The following TRAFD1 variants were observed in gnomAD, a reference collection of about 807,000 sequenced individuals.
TRAFD1 encodes the protein TRAF-type zinc finger domain containing 1, also known as TRAF-type zinc finger domain-containing protein 1.
Under a neutral mutation model 65.3 loss-of-function variants are expected in TRAFD1, and 38 were observed. The observed-to-expected ratio is 0.58, with a 90% CI of 0.45 to 0.76. The LOEUF (loss-of-function observed/expected upper bound fraction) is 0.76, where lower values mean the gene tolerates loss of function less well. Among genes scored for constraint, TRAFD1 ranks in the 30% least tolerant of loss-of-function variants. The probability of loss-of-function intolerance (pLI) is 0.00; values close to 1 mark genes in which losing one functional copy is unlikely to be tolerated. For synonymous variants in TRAFD1, 223 were observed against 257.2 expected (o/e 0.87, Z 1.27); for missense variants, 631 against 712.6 (o/e 0.89, Z 1.30).
chr12:112,141,185 A>T lies in TRAFD1; in HGVS notation c.604A>T (p.Arg202Trp), dbSNP rs1288512452. ...DVFHNRTTNQ[R>W]NITAQVSIQN... The stretch of plus-strand genomic sequence containing the variant: ...TTTCCACAATAGAACTACCAACCAA[A>T]GGAACATTACAGCCCAGGTTTCAAT... The change falls in exon 5 of 12, where the codon AGG (arginine) becomes TGG (tryptophan). Residue 202 changes from arginine (R) to tryptophan (W), a missense_variant. Coordinates refer to ENST00000412615, the MANE Select transcript of TRAFD1 (RefSeq NM_006700.3). The T allele has an allele frequency of 1.2e-6, 2 of 1,614,200 alleles. No individual in the cohort carries two copies. Among genetic ancestry groups the T allele is most frequent in the Admixed American group, 3.3e-5 (2 of 60,018 alleles).
intron 9 of TRAFD1, among the ~76,000 whole-genome samples, chr12:112,151,133 G>T (rs992866822): frequency 6.6e-6 from 1 of 151,718 alleles, no homozygotes; most frequent in Non-Finnish European, 1.5e-5. Context: ...AGCTACTTGG[G>T]AGGCTGAGGC....
At chr12:112,139,506 C>T (rs546611054) in intron 4 of TRAFD1, among the ~76,000 whole-genome samples, 11 of 151,906 alleles carry the variant, frequency 7.2e-5, no homozygotes, top group Non-Finnish European at 1.3e-4. Context: ...TCACTGCAAC[C>T]TCCACCTCCC....
rs1593875386 is a variant in TRAFD1 at position 112,152,719 on chromosome 12, TTG to T, written c.1693-12_1693-11del. 6.2e-7 allele frequency: 1 copy of T among 1,614,194 alleles called. No homozygotes were observed. The highest frequency in any genetic ancestry group is 1.3e-5 in the African/African-American group (1 of 75,042). On this transcript the variant is annotated splice_polypyrimidine_tract_variant and intron_variant, in intron 11 of 11. Transcript: ENST00000412615. This position sits in a 1 kb window ranked among gnomAD's most constrained non-coding sequence, Gnocchi z 5.0. ...CTTTTTATGTAAAGCTTCGTTTGTG[TTG>T]TGTTGTTCACCAGGCAAAGCCTTCC...
chr12:112,145,727 G>A, intron 7 of TRAFD1, 65 bp downstream of exon 7: 1 of 1,400,942 alleles, frequency 7.1e-7, no homozygotes, highest in Non-Finnish European at 1.0e-6. Context: ...GGTGTTGCAG[G>A]CCACATGAGG....
intron 1 of TRAFD1, among the ~76,000 whole-genome samples, chr12:112,128,961 G>T (rs2079553881): frequency 6.7e-6 from 1 of 148,990 alleles, no homozygotes; most frequent in Admixed American, 6.8e-5. Context: ...GTTGCAGTGA[G>T]CCGAGATCGC....
At chr12:112,149,577 C>T (rs555442077) in intron 8 of TRAFD1, 174 bp from the exon 9 acceptor site, 51 of 736,920 alleles carry the variant, frequency 6.9e-5, no homozygotes, top group African/African-American at 8.9e-5. Context: ...CCTCATGTGC[C>T]GATGGGATTG....
chr12:112,139,548 C>A (rs1320637442), intron 4 of TRAFD1, among the ~76,000 whole-genome samples: 1 of 151,612 alleles, frequency 6.6e-6, no homozygotes, highest in African/African-American at 2.4e-5. Flanking sequence ...CTCAGCCTCC[C>A]GAGTAGCTGG....
chr12:112,152,077 A>G lies in TRAFD1; in HGVS notation c.1556A>G (p.Asn519Ser). 3 of 1,614,088 alleles carry G rather than the reference A, an allele frequency of 1.9e-6. No homozygotes were observed. The highest frequency in any genetic ancestry group is 2.5e-6 in the Non-Finnish European group (3 of 1,179,958). ...GTTTCAGTGATTCGCCCTCCTCAAA[A>G]TCTCTACCCAGAAAACATTGTGCCC... Reference protein sequence around the residue: ...GHVSVIRPPQNLYPENIVPSF... With the variant: ...GHVSVIRPPQSLYPENIVPSF... Residue 519 changes from asparagine to serine, a missense_variant, in exon 10 of 12, where the codon AAT becomes AGT. Coordinates refer to ENST00000412615, the MANE Select transcript of TRAFD1 (RefSeq NM_006700.3). This position sits in a 1 kb window ranked among gnomAD's most constrained non-coding sequence, Gnocchi z 5.0.
intron 4 of TRAFD1, 55 bp downstream of exon 4, chr12:112,135,121 A>G (rs2079590953): frequency 2.5e-6 from 4 of 1,600,738 alleles, no homozygotes; most frequent in Non-Finnish European, 3.4e-6. Context: ...TTACAGACCC[A>G]CATGCAGAGC....
chr12:112,147,814 C>G (rs1475537921), intron 7 of TRAFD1, among the ~76,000 whole-genome samples: 1 of 151,852 alleles, frequency 6.6e-6, no homozygotes, highest in Non-Finnish European at 1.5e-5. Flanking sequence ...GGGATTATAG[C>G]CAAGTGCCAC....
chr12:112,148,009 T>G, intron 7 of TRAFD1, 65 bp from the exon 8 acceptor site: 1 of 1,391,988 alleles, frequency 7.2e-7, no homozygotes, highest in Non-Finnish European at 9.9e-7. Flanking sequence ...AGAAAATATT[T>G]TAGGAATGTA....
chr12:112,151,752 T>C, intron 9 of TRAFD1, 49 bp from the exon 10 acceptor site: 1 of 1,548,734 alleles, frequency 6.5e-7, no homozygotes, highest in African/African-American at 1.4e-5. Context: ...CCTGGCACTA[T>C]AGCCAGAGCA....
chr12:112,150,654 G>A (rs1323214479), intron 9 of TRAFD1, among the ~76,000 whole-genome samples: 2 of 151,862 alleles, frequency 1.3e-5, no homozygotes, highest in African/African-American at 4.9e-5. Context: ...GAGCTCAAGT[G>A]ATTCTCCCAC....
chr12:112,139,132 G>A (rs1002257821), intron 4 of TRAFD1, among the ~76,000 whole-genome samples: 2 of 152,072 alleles, frequency 1.3e-5, no homozygotes, highest in Non-Finnish European at 2.9e-5. Context: ...GAGCCTAGGA[G>A]TTTTGAGATC....
At chr12:112,133,456 T>C (rs1307536508) in intron 2 of TRAFD1, 1 of 152,116 alleles carries the variant, frequency 6.6e-6, no homozygotes, top group Non-Finnish European at 1.5e-5. Flanking sequence ...AGAAAATCAG[T>C]GGTAGGGTGT....
In TRAFD1 at chr12:112,145,658, A is replaced by G; in HGVS notation, c.923A>G (p.His308Arg). ...ELYPEELLIDHQTSCNPSRAL... is the reference protein window; with the variant it reads ...ELYPEELLIDRQTSCNPSRAL... Reference sequence around the variant, plus strand: ...TACCCAGAGGAACTGCTGATTGACCATCAGGTGTGTTATGAATTACTTGAG... The same window carrying G: ...TACCCAGAGGAACTGCTGATTGACCGTCAGGTGTGTTATGAATTACTTGAG... Residue 308 changes from histidine to arginine, a missense_variant, in exon 7 of 12, where the codon CAT becomes CGT. Transcript: ENST00000412615. 1 of 1,614,104 alleles carries G rather than the reference A, an allele frequency of 6.2e-7. No homozygotes were observed. The highest frequency in any genetic ancestry group is 1.6e-4 in the Middle Eastern group (1 of 6,062).
At chr12:112,126,728 C>G (rs981639840) in intron 1 of TRAFD1, among the ~76,000 whole-genome samples, 1 of 151,904 alleles carries the variant, frequency 6.6e-6, no homozygotes. Flanking sequence ...GATCTCAGCT[C>G]ACTGCAGCCT....
At chr12:112,145,415 T>C (rs762596893) in intron 6 of TRAFD1, among the ~76,000 whole-genome samples, 171 bp from the exon 7 acceptor site, 2 of 152,128 alleles carry the variant, frequency 1.3e-5, no homozygotes, top group Non-Finnish European at 2.9e-5. Flanking sequence ...TGGCCTAGAG[T>C]TTATCTCTTG....
Position 112,148,203 on chromosome 12 carries a change from T to C in TRAFD1, c.1057T>C (p.Leu353=), listed in dbSNP as rs1385704179. 2 of 1,614,024 alleles carry C rather than the reference T, an allele frequency of 1.2e-6. No homozygotes were observed. Among genetic ancestry groups the C allele is most frequent in the Non-Finnish European group, 1.7e-6 (2 of 1,180,026 alleles). The change falls in exon 8 of 12, where the codon TTG becomes CTG. Residue 353 remains leucine, a synonymous_variant. Transcript: ENST00000412615. ...GGCTGCAAGTAACCAGTTAGACTCT[T>C]TGATGGGCCTGAGCAATTCACACCC... is the stretch of plus-strand genomic sequence containing the variant. The part of the protein sequence containing the change: ...QQAASNQLDS[L]MGLSNSHPVE...
Sources: gnomAD v4.1 joint callset for allele counts (sites outside exome capture counted in the v4.1 genomes callset) on GRCh38, gnomAD v4.1.1 for gene constraint, Gnocchi (gnomAD v3.1) non-coding constraint, MANE v1.5 for transcripts, NCBI Gene and HGNC (gene_info 2026-07-23, HGNC 2026-07-21) for gene names.